INPP5D: variants seen among roughly 807,000 people sequenced by gnomAD.
The protein encoded by INPP5D is inositol polyphosphate-5-phosphatase D.
INPP5D carries 33 observed loss-of-function variants against 122.9 expected under a neutral mutation model. The ratio of observed to expected loss-of-function variants is 0.27; its 90% CI spans 0.20 to 0.36. INPP5D has a LOEUF of 0.36. INPP5D is among the 10% of genes least tolerant of loss of function. The pLI is 1.00. For missense variants in INPP5D, 1,053 were observed against 1,412.7 expected, an observed-to-expected ratio of 0.75 and a Z score of 4.08; for synonymous variants, 584 against 576.2, an observed-to-expected ratio of 1.01 and a Z score of -0.19.
intron 6 of INPP5D, chr2:233,140,508 ATAT>A (rs1693611172): frequency 6.6e-6 from 1 of 152,264 alleles, no homozygotes; most frequent in Non-Finnish European, 1.5e-5. Context: ...ATTCATGTTT[ATAT>A]TATTATTTTT....
intron 2 of INPP5D, among the ~76,000 whole-genome samples, chr2:233,117,551 C>T (rs543029075): frequency 2.6e-5 from 4 of 152,242 alleles, no homozygotes; most frequent in South Asian, 2.1e-4. Flanking sequence ...GCCTGCTGGG[C>T]GGCCCCCTCT....
chr2:233,200,129 T>G (rs1251845204), intron 25 of INPP5D, among the ~76,000 whole-genome samples: 2 of 152,144 alleles, frequency 1.3e-5, no homozygotes, highest in Non-Finnish European at 2.9e-5. Context: ...AGAAAACTGA[T>G]CTGAGTCTAG....
chr2:233,118,509 G>A (rs1280384263), intron 2 of INPP5D, among the ~76,000 whole-genome samples: 1 of 152,178 alleles, frequency 6.6e-6, no homozygotes, highest in Admixed American at 6.5e-5. Context: ...TAAGTTCTCT[G>A]TTTTCCTTGT....
At chr2:233,130,698 G>C (rs1453623362) in intron 5 of INPP5D, 50 bp downstream of exon 5, 1 of 1,604,236 alleles carries the variant, frequency 6.2e-7, no homozygotes. Context: ...CACCAGGTGA[G>C]AGAAACAGCT....
intron 25 of INPP5D, among the ~76,000 whole-genome samples, chr2:233,201,436 G>C (rs945015445): frequency 5.3e-5 from 8 of 152,220 alleles, no homozygotes; most frequent in African/African-American, 1.9e-4. Flanking sequence ...CCACGGGCAA[G>C]GGGCCCCCAG....
At chr2:233,130,959 A>C (rs1005892127) in intron 5 of INPP5D, 4 of 510,284 alleles carry the variant, frequency 7.8e-6, no homozygotes, top group African/African-American at 1.9e-5. Context: ...TCCAGCTCTT[A>C]AGATTTTTGC....
chr2:233,171,347 A>G (rs1170210750), intron 17 of INPP5D, 195 bp downstream of exon 17: 1 of 711,636 alleles, frequency 1.4e-6, no homozygotes, highest in African/African-American at 1.8e-5. Context: ...AGCTGGGAAA[A>G]TAACCCTTGT....
chr2:233,202,793 A>G (rs1236961517), intron 25 of INPP5D, among the ~76,000 whole-genome samples: 1 of 152,230 alleles, frequency 6.6e-6, no homozygotes, highest in Non-Finnish European at 1.5e-5. Flanking sequence ...AATCACCTCC[A>G]GTCAGAGCAG....
chr2:233,129,520 C>T (rs1321933643), intron 4 of INPP5D, among the ~76,000 whole-genome samples: 1 of 152,240 alleles, frequency 6.6e-6, no homozygotes, highest in Non-Finnish European at 1.5e-5. Context: ...CTGCCTGTGC[C>T]TCTGCCACCA....
chr2:233,161,660 T>C, intron 10 of INPP5D, 64 bp from the exon 11 acceptor site: 1 of 1,505,116 alleles, frequency 6.6e-7, no homozygotes, highest in Admixed American at 2.3e-5. Context: ...ACCAAGTCCT[T>C]TGCAAAGTGT....
intron 1 of INPP5D, among the ~76,000 whole-genome samples, chr2:233,075,100 A>G (rs1691484520): frequency 2.0e-5 from 3 of 152,130 alleles, no homozygotes; most frequent in African/African-American, 7.2e-5. Flanking sequence ...CTTTGCCTCC[A>G]CACTCAGCAC....
At chr2:233,147,334 G>A (rs1693791152) in intron 8 of INPP5D, 137 bp from the exon 9 acceptor site, 1 of 619,380 alleles carries the variant, frequency 1.6e-6, no homozygotes, top group Non-Finnish European at 2.9e-6. Flanking sequence ...CGCCGCTGGG[G>A]CAAGAGAAGC....
chr2:233,171,388 G>A, intron 17 of INPP5D: 1 of 487,060 alleles, frequency 2.1e-6, no homozygotes, highest in Non-Finnish European at 3.4e-6. Flanking sequence ...ACTCTAAGAT[G>A]CTGAGAGGAC....
At position 233,105,735 on chromosome 2, in the gene INPP5D, G is replaced by A. The variant is rs775414075; in HGVS notation, c.199-16372G>A. On this transcript the variant is annotated intron_variant, in intron 2 of 26. Transcript: ENST00000445964. The surrounding 1 kb of genome is among the most constrained non-coding windows in gnomAD (Gnocchi z 4.0). ...CCAGGGCAGCAGGTGATCGTGGGGC[G>A]GATCTTGACGAGTAGCTTCGAGGAC... Among the ~76,000 whole-genome samples the A allele has an allele frequency of 2.0e-5, 3 of 152,294 alleles. No homozygotes were observed. The highest frequency in any genetic ancestry group is 3.4e-3 in the Middle Eastern group (1 of 294).
At chr2:233,088,799 G>C (rs909654357) in intron 2 of INPP5D, among the ~76,000 whole-genome samples, 3 of 152,192 alleles carry the variant, frequency 2.0e-5, no homozygotes, top group Admixed American at 2.0e-4. Context: ...AAGGAGAAAG[G>C]GCTGAGACTT....
At chr2:233,095,245 G>A (rs928700449) in intron 2 of INPP5D, among the ~76,000 whole-genome samples, 1 of 152,202 alleles carries the variant, frequency 6.6e-6, no homozygotes, top group Non-Finnish European at 1.5e-5. Flanking sequence ...ATATACACAA[G>A]ATTGCACATA....
chr2:233,134,038 T>G (rs2106267253), intron 5 of INPP5D: 1 of 456,172 alleles, frequency 2.2e-6, no homozygotes, highest in East Asian at 7.0e-5. Flanking sequence ...GTGTCAGATT[T>G]GCCGCTTGAT....
At chr2:233,193,181 A>G (rs10168693) in intron 22 of INPP5D, among the ~76,000 whole-genome samples, 60,092 of 152,118 alleles carry the variant, frequency 0.4, 12,088 homozygotes, top group South Asian at 0.47. Flanking sequence ...GAGCCACCAC[A>G]CCCGGTGCAT....
Position 233,197,226 on chromosome 2 carries a change from G to A in INPP5D, c.2694-869G>A, listed in dbSNP as rs960131035. ...GGCCGGTGCCTGACACAGTGGCAGCGTGCAGTGTGTCTGTTGGGGCCACCT... is the reference window on the plus strand; with the variant it reads ...GGCCGGTGCCTGACACAGTGGCAGCATGCAGTGTGTCTGTTGGGGCCACCT... On this transcript the variant is annotated intron_variant, in intron 24 of 26. Transcript: ENST00000445964. This position sits in a 1 kb window ranked among gnomAD's most constrained non-coding sequence, Gnocchi z 4.4. Among the ~76,000 whole-genome samples the A allele has an allele frequency of 6.6e-6, 1 of 152,184 alleles. No homozygotes were observed. Among genetic ancestry groups the A allele is most frequent in the African/African-American group, 2.4e-5 (1 of 41,444 alleles).
Sources: allele counts gnomAD v4.1 joint callset (sites outside exome capture counted in the v4.1 genomes callset), GRCh38; gene constraint gnomAD v4.1.1; non-coding constraint Gnocchi (gnomAD v3.1); transcripts MANE v1.5; gene names NCBI Gene and HGNC (gene_info 2026-07-23, HGNC 2026-07-21).